Variants in CYFIP1 observed in about 807,000 individuals in gnomAD.
CYFIP1 encodes cytoplasmic FMR1-interacting protein 1.
In CYFIP1, 58 loss-of-function variants were observed where a neutral mutation model predicts 163.5. That is an observed-to-expected ratio of 0.35 (90% confidence interval 0.29 to 0.44). CYFIP1 has a LOEUF of 0.44. Among genes scored for constraint, CYFIP1 ranks in the 20% least tolerant of loss-of-function variants. The probability of loss-of-function intolerance (pLI) is 1.00; values close to 1 mark genes in which losing one functional copy is unlikely to be tolerated. For missense variants in CYFIP1, 1,338 were observed against 1,653.8 expected (o/e 0.81, Z 3.31); for synonymous variants, 663 against 660.7 (o/e 1.00, Z -0.05).
At position 22,939,243 on chromosome 15, in the gene CYFIP1, G is replaced by A; in HGVS notation, c.744C>T (p.Tyr248=). 1 of 1,614,198 alleles carries A rather than the reference G, an allele frequency of 6.2e-7. No individual in the cohort carries two copies. Among genetic ancestry groups the A allele is most frequent in the Non-Finnish European group, 8.5e-7 (1 of 1,180,020 alleles). ...LADIVNLCVD[Y]YENRMYLTPS... ...GCGTCAAATACATCCTGTTCTCGTAGTAATCCACACACAGATTCACAATAT... is the reference window on the plus strand; with the variant it reads ...GCGTCAAATACATCCTGTTCTCGTAATAATCCACACACAGATTCACAATAT... Residue 248 remains tyrosine, a synonymous_variant, in exon 8 of 31, where the codon TAC becomes TAT. Transcript: ENST00000617928.
At chr15:22,972,901 T>C (rs2063147791) in intron 1 of CYFIP1, among the ~76,000 whole-genome samples, 1 of 152,054 alleles carries the variant, frequency 6.6e-6, no homozygotes, top group Non-Finnish European at 1.5e-5. Flanking sequence ...TTTGGGAGGC[T>C]GAGGCAGGAG....
chr15:22,944,742 G>A (rs2140102872), intron 4 of CYFIP1, 83 bp from the exon 5 acceptor site: 4 of 1,513,204 alleles, frequency 2.6e-6, no homozygotes, highest in Non-Finnish European at 3.7e-6. Context: ...TAGTGATCCC[G>A]CCCTGCTGTG....
At chr15:22,958,865 T>C (rs1227554860) in intron 1 of CYFIP1, among the ~76,000 whole-genome samples, 2 of 152,182 alleles carry the variant, frequency 1.3e-5, no homozygotes, top group African/African-American at 2.4e-5. Flanking sequence ...CAAATTTGTA[T>C]GAAAAAAACT....
chr15:22,915,876 G>A (rs543615254), intron 16 of CYFIP1, among the ~76,000 whole-genome samples: 11 of 152,158 alleles, frequency 7.2e-5, no homozygotes, highest in Non-Finnish European at 1.6e-4. Flanking sequence ...CAGATTAAAA[G>A]AGCCCACACT....
chr15:22,969,107 C>T (rs934603392), intron 1 of CYFIP1, among the ~76,000 whole-genome samples: 1 of 152,040 alleles, frequency 6.6e-6, no homozygotes, highest in African/African-American at 2.4e-5. Flanking sequence ...AAGATGAAAC[C>T]CACTGCTTTC....
At position 22,868,622 on chromosome 15, in the gene CYFIP1, TTG is replaced by T. The variant is rs1021105171; in HGVS notation, c.*1404_*1405del. ...CTTTTTATAAAGAAAGAATAATTGTTTGTTAGGCTTCATGTCACTTGAGTGAG... is the reference window on the plus strand; with the variant it reads ...CTTTTTATAAAGAAAGAATAATTGTTTTAGGCTTCATGTCACTTGAGTGAG... On this transcript the variant is annotated 3_prime_UTR_variant, in exon 31 of 31. Transcript: ENST00000617928. The T allele has an allele frequency of 1.1e-5, 1 of 93,544 alleles. No homozygotes were observed. The highest frequency in any genetic ancestry group is 1.4e-4 in the Admixed American group (1 of 7,268). 5.8% of individuals were successfully genotyped at this position (93,544 alleles called of 1,614,324 possible). A position where few individuals can be genotyped will look rare whatever the true frequency, so the allele number is the denominator to read the frequency against.
intron 30 of CYFIP1, 29 bp from the exon 31 acceptor site, chr15:22,870,221 C>T: frequency 6.3e-7 from 1 of 1,577,152 alleles, no homozygotes; most frequent in East Asian, 2.3e-5. Flanking sequence ...GGATGTTTTA[C>T]TATTAACACT....
chr15:22,972,173 C>T (rs1188299220), intron 1 of CYFIP1, among the ~76,000 whole-genome samples: 1 of 152,122 alleles, frequency 6.6e-6, no homozygotes, highest in Non-Finnish European at 1.5e-5. Context: ...TGGTGGCTCC[C>T]GCCTGTAATC....
rs1184253924 is a variant in CYFIP1 at position 22,943,339 on chromosome 15, G to C, written c.403C>G (p.Arg135Gly). ...AGGCGCCTCACTTCCCCGCAGAAAC[G>C]CTCAATGGCATTTCTCTGTGCAGAG... ...FMYFQRNAIERFCGEVRRLCH... is the reference protein window; with the variant it reads ...FMYFQRNAIEGFCGEVRRLCH... Residue 135 changes from arginine to glycine, a missense_variant, in exon 6 of 31, where the codon CGT becomes GGT. Arg to Gly is a moderately radical substitution (Grantham distance 125). Coordinates refer to ENST00000617928, the MANE Select transcript of CYFIP1 (RefSeq NM_014608.6). 2.5e-6 allele frequency: 4 copies of C among 1,613,862 alleles called. No individual in the cohort carries two copies. Among genetic ancestry groups the C allele is most frequent in the Admixed American group, 3.3e-5 (2 of 60,006 alleles).
At chr15:22,892,760 G>GAA in intron 23 of CYFIP1, 130 bp downstream of exon 23, 4 of 635,110 alleles carry the variant, frequency 6.3e-6, no homozygotes, top group African/African-American at 1.9e-5. Flanking sequence ...TAACAGAATG[G>GAA]AAAAAAAAAA....
chr15:22,879,773 C>G (rs1254719594), intron 26 of CYFIP1, 140 bp downstream of exon 26: 1 of 621,068 alleles, frequency 1.6e-6, no homozygotes, highest in South Asian at 2.0e-5. Context: ...AAAGTCTCAA[C>G]AGCCACAAAA....
chr15:22,928,239 T>C (rs929235595), intron 11 of CYFIP1, among the ~76,000 whole-genome samples: 4 of 152,014 alleles, frequency 2.6e-5, no homozygotes, highest in East Asian at 1.9e-4. Context: ...AAAAATTAGC[T>C]GGGCATGGTG....
chr15:22,946,329 C>G lies in CYFIP1; in HGVS notation c.207+674G>C, dbSNP rs138539023. On this transcript the variant is annotated intron_variant, in intron 3 of 30. Coordinates refer to ENST00000617928, the MANE Select transcript of CYFIP1 (RefSeq NM_014608.6). Reference sequence around the variant, plus strand: ...AAAAAAAAAAAGAAAGAAAGAAAACCTGTTGATGAGACCATTAAAATGCAG... The same window carrying G: ...AAAAAAAAAAAGAAAGAAAGAAAACGTGTTGATGAGACCATTAAAATGCAG... Among the ~76,000 whole-genome samples, 352 of 151,664 alleles carry G rather than the reference C, an allele frequency of 2.3e-3. 2 individuals are homozygous for G. The highest frequency in any genetic ancestry group is 8.0e-3 in the African/African-American group (330 of 41,362).
rs2061014402 is a variant in CYFIP1 at position 22,917,166 on chromosome 15, T to TC, written c.1675-537dup. On this transcript the variant is annotated intron_variant, in intron 15 of 30. Transcript: ENST00000617928. This position sits in a 1 kb window ranked among gnomAD's most constrained non-coding sequence, Gnocchi z 4.2. ...GGCACCACGCACAGGCCGAGGGCCG[T>TC]CCCCCTGACCCTCCTGCAGAGCCAG... The TC allele has an allele frequency of 9.1e-6, 13 of 1,432,722 alleles. No homozygotes were observed. The South Asian group carries it at 1.8e-4, about 20-fold the overall frequency. The allele number at this position is 1,432,722 out of a possible 1,614,324, so 88.8% of individuals were successfully genotyped here.
intron 21 of CYFIP1, 87 bp from the exon 22 acceptor site, chr15:22,903,992 A>G (rs956884289): frequency 1.6e-6 from 2 of 1,272,774 alleles, no homozygotes; most frequent in African/African-American, 3.0e-5. Flanking sequence ...CCCAGGCCTC[A>G]CAGTCCCTGG....
At chr15:22,874,476 G>T in intron 28 of CYFIP1, 74 bp downstream of exon 28, 3 of 1,182,398 alleles carry the variant, frequency 2.5e-6, no homozygotes, top group South Asian at 1.5e-5. Context: ...TTCCAGTCTG[G>T]CTCCCAACCA....
chr15:22,960,888 G>A lies in CYFIP1; in HGVS notation c.-6-13597C>T, dbSNP rs538412655. Among the ~76,000 whole-genome samples, 79 of 152,312 alleles carry A rather than the reference G, an allele frequency of 5.2e-4. 1 individual carries two copies. The highest frequency in any genetic ancestry group is 1.8e-3 in the African/African-American group (76 of 41,578). ...GGCTTTGGGCCAGGTGCCCTCCTAC[G>A]GGGGCCCACGAACAAGGTGGAGCCG... On this transcript the variant is annotated intron_variant, in intron 1 of 30. Transcript: ENST00000617928.
chr15:22,916,660 G>T, intron 15 of CYFIP1, 30 bp from the exon 16 acceptor site: 1 of 1,614,120 alleles, frequency 6.2e-7, no homozygotes, highest in Non-Finnish European at 8.5e-7. Flanking sequence ...ATTTGTGGGG[G>T]AGAAAATATA....
intron 5 of CYFIP1, among the ~76,000 whole-genome samples, chr15:22,944,127 TA>T (rs2061977999): frequency 6.6e-6 from 1 of 150,634 alleles, no homozygotes; most frequent in African/African-American, 2.4e-5. Context: ...TAATCCCAGC[TA>T]CTCAGGAAGC....
Sources: gnomAD v4.1 joint callset for allele counts (sites outside exome capture counted in the v4.1 genomes callset) on GRCh38, gnomAD v4.1.1 for gene constraint, Gnocchi (gnomAD v3.1) non-coding constraint, MANE v1.5 for transcripts, NCBI Gene and HGNC (gene_info 2026-07-23, HGNC 2026-07-21) for gene names.